HTR1F: variants seen among roughly 807,000 people sequenced by gnomAD.
HTR1F encodes the protein 5-hydroxytryptamine (serotonin) receptor 1F, G protein-coupled.
A neutral mutation model predicts 24.0 loss-of-function variants in HTR1F; 17 were observed. The ratio of observed to expected loss-of-function variants is 0.71; its 90% confidence interval spans 0.48 to 1.06. The LOEUF (loss-of-function observed/expected upper bound fraction) is 1.06. Ranked by LOEUF, HTR1F falls within the 50% of genes least tolerant of loss-of-function variation. The probability of loss-of-function intolerance (pLI) is 0.00; values close to 1 mark genes in which losing one functional copy is unlikely to be tolerated. For missense variants in HTR1F, 391 were observed against 427.8 expected (o/e 0.91, Z 0.76); for synonymous variants, 186 against 156.8 (o/e 1.19, Z -1.39).
Position 87,991,267 on chromosome 3 carries a change from T to A in HTR1F, c.518T>A (p.Ile173Asn). ...GGAACTAGCAGAGATGATGAATGCA[T>A]CATCAAGCACGACCACATTGTTTCC... is the stretch of plus-strand genomic sequence containing the variant. ...HQGTSRDDEC[I>N]IKHDHIVSTI... The change falls in exon 3 of 3, where the codon ATC (isoleucine) becomes AAC (asparagine). Residue 173 changes from isoleucine (I) to asparagine (N), a missense_variant. Ile to Asn is a moderately radical substitution (Grantham distance 149). Coordinates refer to ENST00000319595, the MANE Select transcript of HTR1F (RefSeq NM_001322209.2). The A allele has an allele frequency of 2.5e-6, 4 of 1,614,068 alleles. No homozygotes were observed. The highest frequency in any genetic ancestry group is 3.4e-6 in the Non-Finnish European group (4 of 1,179,988).
At chr3:87,905,481 G>A (rs2107336203) in intron 2 of HTR1F, among the ~76,000 whole-genome samples, 1 of 152,042 alleles carries the variant, frequency 6.6e-6, no homozygotes, top group South Asian at 2.1e-4. Context: ...TTCCTCATGA[G>A]TATATAGGTT....
intron 2 of HTR1F, among the ~76,000 whole-genome samples, chr3:87,906,665 A>G (rs1308271236): frequency 6.6e-6 from 1 of 151,982 alleles, no homozygotes; most frequent in Non-Finnish European, 1.5e-5. Context: ...ACTGTACCCA[A>G]TGTGTAGTCT....
chr3:87,809,687 C>T (rs1704129072), intron 1 of HTR1F, among the ~76,000 whole-genome samples: 2 of 152,002 alleles, frequency 1.3e-5, no homozygotes, highest in Non-Finnish European at 2.9e-5. Flanking sequence ...TCTATAATCA[C>T]ATTTGTCTAT....
chr3:87,824,912 A>G (rs568582399), intron 2 of HTR1F, among the ~76,000 whole-genome samples: 2 of 152,192 alleles, frequency 1.3e-5, no homozygotes, highest in South Asian at 4.1e-4. Flanking sequence ...TGAATTTTTC[A>G]TTTTTCCAGC....
chr3:87,875,604 C>CA (rs1017742869), intron 2 of HTR1F, among the ~76,000 whole-genome samples: 1 of 151,842 alleles, frequency 6.6e-6, no homozygotes, highest in Non-Finnish European at 1.5e-5. Context: ...GACACAACAG[C>CA]AAAAAATCAA....
chr3:87,887,119 A>G (rs1210308309), intron 2 of HTR1F, among the ~76,000 whole-genome samples: 36 of 152,212 alleles, frequency 2.4e-4, no homozygotes, highest in Non-Finnish European at 4.6e-4. Flanking sequence ...GACTGATACC[A>G]AAACAAACAT....
chr3:87,906,363 C>T (rs1040064791), intron 2 of HTR1F, among the ~76,000 whole-genome samples: 1 of 151,940 alleles, frequency 6.6e-6, no homozygotes, highest in Admixed American at 6.6e-5. Flanking sequence ...CATTATATGA[C>T]TATTTTGATA....
chr3:87,820,403 C>T (rs575615070), intron 1 of HTR1F, among the ~76,000 whole-genome samples: 5 of 151,986 alleles, frequency 3.3e-5, no homozygotes, highest in Admixed American at 6.5e-5. Context: ...GTCTCGATCT[C>T]CTGACCTCGT....
chr3:87,924,437 CT>C (rs916873384), intron 2 of HTR1F, among the ~76,000 whole-genome samples: 9 of 151,970 alleles, frequency 5.9e-5, no homozygotes, highest in Non-Finnish European at 1.2e-4. Context: ...TGATTCTTTT[CT>C]TTCTCAGTTG....
At chr3:87,880,434 A>G (rs1292150243) in intron 2 of HTR1F, among the ~76,000 whole-genome samples, 1 of 152,212 alleles carries the variant, frequency 6.6e-6, no homozygotes, top group African/African-American at 2.4e-5. Context: ...ATCTAAATTG[A>G]ATAAAGGAAA....
At chr3:87,923,684 T>A (rs1341768900) in intron 2 of HTR1F, among the ~76,000 whole-genome samples, 1 of 152,006 alleles carries the variant, frequency 6.6e-6, no homozygotes, top group Non-Finnish European at 1.5e-5. Flanking sequence ...AATACCTACT[T>A]TGTTAAGAGT....
At chr3:87,865,299 G>A (rs1705403076) in intron 2 of HTR1F, among the ~76,000 whole-genome samples, 1 of 151,516 alleles carries the variant, frequency 6.6e-6, no homozygotes, top group Non-Finnish European at 1.5e-5. Context: ...GATATTTTTA[G>A]GAAAATATTT....
chr3:87,866,283 G>GGTA (rs895227434), intron 2 of HTR1F, among the ~76,000 whole-genome samples: 9 of 152,266 alleles, frequency 5.9e-5, no homozygotes, highest in Admixed American at 5.9e-4. Flanking sequence ...CCCCATCAGA[G>GGTA]GTAGGGTCTG....
At chr3:87,896,947 A>ACC in intron 2 of HTR1F, among the ~76,000 whole-genome samples, 1 of 152,266 alleles carries the variant, frequency 6.6e-6, no homozygotes, top group Non-Finnish European at 1.5e-5. Context: ...GAACCCTTGT[A>ACC]CGCTGTTGGT....
chr3:87,902,230 T>C (rs1706339529), intron 2 of HTR1F, among the ~76,000 whole-genome samples: 1 of 152,002 alleles, frequency 6.6e-6, no homozygotes, highest in African/African-American at 2.4e-5. Flanking sequence ...AGTAGCACAA[T>C]AGAATAAAAC....
intron 2 of HTR1F, among the ~76,000 whole-genome samples, chr3:87,861,822 A>T (rs1246323789): frequency 2.6e-5 from 4 of 152,226 alleles, no homozygotes; most frequent in Non-Finnish European, 5.9e-5. Flanking sequence ...TCTTTGAAAT[A>T]TTGTTAGACA....
intron 2 of HTR1F, among the ~76,000 whole-genome samples, chr3:87,950,713 A>T (rs116597206): frequency 9.2e-5 from 14 of 152,282 alleles, no homozygotes; most frequent in African/African-American, 3.1e-4. Context: ...TTTTACTGCA[A>T]ACAAAACAAA....
chr3:87,863,595 T>A (rs964015615), intron 2 of HTR1F, among the ~76,000 whole-genome samples: 1 of 152,218 alleles, frequency 6.6e-6, no homozygotes, highest in African/African-American at 2.4e-5. Context: ...TATTTCCTTC[T>A]GAGTTTTCCC....
Position 87,990,911 on chromosome 3 carries a change from G to A in HTR1F, c.162G>A (p.Leu54=). The A allele has an allele frequency of 6.2e-7, 1 of 1,614,136 alleles. No individual in the cohort carries two copies. The highest frequency in any genetic ancestry group is 1.7e-5 in the Admixed American group (1 of 60,018). The stretch of plus-strand genomic sequence containing the variant: ...CTGCAATTATTGTGACCCGGAAGCT[G>A]CACCATCCAGCCAATTATTTAATTT... The part of the protein sequence containing the change: ...VIAAIIVTRK[L]HHPANYLICS... Residue 54 remains leucine, a synonymous_variant, in exon 3 of 3, where the codon CTG becomes CTA. Transcript: ENST00000319595.
Sources: gnomAD v4.1 joint callset for allele counts (sites outside exome capture counted in the v4.1 genomes callset) on GRCh38, gnomAD v4.1.1 for gene constraint, MANE v1.5 for transcripts, NCBI Gene and HGNC (gene_info 2026-07-23, HGNC 2026-07-21) for gene names.